PLEKHG1: variants seen among roughly 807,000 people sequenced by gnomAD.
PLEKHG1 encodes the protein pleckstrin homology domain-containing family G member 1.
In PLEKHG1, 44 loss-of-function variants were observed where a neutral mutation model predicts 100.8. The ratio of observed to expected loss-of-function variants is 0.44; its 90% CI spans 0.34 to 0.56. The LOEUF is 0.56. Among genes scored for constraint, PLEKHG1 ranks in the 20% least tolerant of loss-of-function variants. PLEKHG1 has a pLI of 0.01. For synonymous variants in PLEKHG1, 640 were observed against 662.5 expected (o/e 0.97, Z 0.52); for missense variants, 1,545 against 1,720.9 (o/e 0.90, Z 1.81).
At chr6:150,608,790 G>A (rs1394357124) in intron 1 of PLEKHG1, among the ~76,000 whole-genome samples, 3 of 152,190 alleles carry the variant, frequency 2.0e-5, no homozygotes, top group Non-Finnish European at 4.4e-5. Flanking sequence ...TGAAATGCGG[G>A]AATAGTGTAG....
chr6:150,796,007 T>G, intron 5 of PLEKHG1, 105 bp downstream of exon 6: 1 of 732,966 alleles, frequency 1.4e-6, no homozygotes, highest in Non-Finnish European at 2.4e-6. Flanking sequence ...CCTGGCCTTG[T>G]GCTGAATACT....
At chr6:150,740,747 A>T (rs920387368) in intron 2 of PLEKHG1, among the ~76,000 whole-genome samples, 2 of 152,188 alleles carry the variant, frequency 1.3e-5, no homozygotes, top group African/African-American at 4.8e-5. Context: ...GAATGTGTCT[A>T]TTTTTTTCCT....
At chr6:150,650,817 G>A (rs1424251449) in intron 3 of PLEKHG1, 31 bp downstream of exon 2, 5 of 152,160 alleles carry the variant, frequency 3.3e-5, no homozygotes, top group African/African-American at 9.7e-5. Context: ...TGCCCCTTGA[G>A]TATGAAACAT....
chr6:150,604,639 C>T (rs561175286), intron 1 of PLEKHG1, among the ~76,000 whole-genome samples: 7 of 152,328 alleles, frequency 4.6e-5, no homozygotes, highest in African/African-American at 7.2e-5. Context: ...TCATCATAGA[C>T]GGACTTATAA....
intron 3 of PLEKHG1, among the ~76,000 whole-genome samples, chr6:150,693,247 C>T (rs1254539802): frequency 6.6e-6 from 1 of 152,088 alleles, no homozygotes; most frequent in Non-Finnish European, 1.5e-5. Context: ...AAGATCACGC[C>T]ACTGCACTCC....
intron 3 of PLEKHG1, among the ~76,000 whole-genome samples, chr6:150,658,521 A>T (rs1024708145): frequency 6.6e-6 from 1 of 152,112 alleles, no homozygotes; most frequent in Non-Finnish European, 1.5e-5. Context: ...TAGTAACCAG[A>T]CTCTTAGTCA....
In PLEKHG1 at chr6:150,683,942, G is replaced by A; in HGVS notation, c.-99+33156G>A. On this transcript the variant is annotated intron_variant, in intron 3 of 3. Coordinates refer to the PLEKHG1 transcript ENST00000367326. The surrounding 1 kb of genome is among the most constrained non-coding windows in gnomAD (Gnocchi z 4.0). ...AGCCAGGGTGGTGGCAAGGGCAGTG[G>A]CAAGTAGTGGGTTTCATGGAAGGAT... The A allele has an allele frequency of 1.8e-6, 1 of 563,414 alleles. No individual in the cohort carries two copies. The highest frequency in any genetic ancestry group is 2.8e-6 in the Non-Finnish European group (1 of 363,168). 34.9% of individuals were successfully genotyped at this position (563,414 alleles called of 1,614,324 possible).
At position 150,831,264 on chromosome 6, in the gene PLEKHG1, A is replaced by G; in HGVS notation, c.2153A>G (p.Asp718Gly). Residue 718 changes from aspartate (D) to glycine (G), a missense_variant, in exon 15 of 16, where the codon GAT (aspartate) becomes GGT (glycine). Asp to Gly is a moderately conservative substitution (Grantham distance 94). Coordinates refer to ENST00000358517, the Ensembl canonical transcript of PLEKHG1. This position sits in a 1 kb window ranked among gnomAD's most constrained non-coding sequence, Gnocchi z 4.1. ...AAGGGCTCTCTTTACGCACAAACAG[A>G]TGGCACCCTCTCAGGTGGAGAGGCA... The G allele has an allele frequency of 1.9e-6, 3 of 1,614,132 alleles. No homozygotes were observed. Among genetic ancestry groups the G allele is most frequent in the Non-Finnish European group, 2.5e-6 (3 of 1,180,010 alleles).
At chr6:150,791,312 T>G (rs1483821509) in intron 4 of PLEKHG1, among the ~76,000 whole-genome samples, 1 of 152,060 alleles carries the variant, frequency 6.6e-6, no homozygotes, top group African/African-American at 2.4e-5. Flanking sequence ...GATTAAAAAT[T>G]GATTACCAAT....
At chr6:150,612,776 C>T (rs1480513365) in intron 1 of PLEKHG1, among the ~76,000 whole-genome samples, 1 of 152,160 alleles carries the variant, frequency 6.6e-6, no homozygotes, top group African/African-American at 2.4e-5. Flanking sequence ...CCATAGAAAA[C>T]CTCATAGGCT....
intron 3 of PLEKHG1, among the ~76,000 whole-genome samples, chr6:150,770,828 G>A (rs994554533): frequency 1.3e-5 from 2 of 152,200 alleles, no homozygotes; most frequent in African/African-American, 4.8e-5. Context: ...AGGCAAGAGG[G>A]CTAGATCCTG....
chr6:150,807,975 G>A (rs1362397583), intron 7 of PLEKHG1, among the ~76,000 whole-genome samples: 2 of 151,602 alleles, frequency 1.3e-5, no homozygotes, highest in Non-Finnish European at 2.9e-5. Flanking sequence ...TCTCAAAAAA[G>A]AAAAAAGAAA....
intron 5 of PLEKHG1, among the ~76,000 whole-genome samples, chr6:150,798,174 C>G (rs1225760528): frequency 6.6e-6 from 1 of 152,094 alleles, no homozygotes; most frequent in South Asian, 2.1e-4. Flanking sequence ...GCCAGCTTGC[C>G]TCACACCCTA....
chr6:150,790,690 T>C (rs1785920939), intron 4 of PLEKHG1, among the ~76,000 whole-genome samples: 1 of 152,172 alleles, frequency 6.6e-6, no homozygotes, highest in Non-Finnish European at 1.5e-5. Context: ...TCAACTGTAG[T>C]ATATCCACGT....
In PLEKHG1 at chr6:150,690,322, A is replaced by G. The variant is rs142077175; in HGVS notation, c.-99+39536A>G. Among the ~76,000 whole-genome samples, 8 of 151,768 alleles carry G rather than the reference A, an allele frequency of 5.3e-5. No individual in the cohort carries two copies. In the East Asian group the frequency reaches 1.4e-3, roughly 26 times the overall value. On this transcript the variant is annotated intron_variant, in intron 3 of 3. Transcript: ENST00000367326. ...CTGGTGCGCCCATCACCCAAGCAGCATACACTGCACCACATCTTGGCCCCA... is the reference window on the plus strand; with the variant it reads ...CTGGTGCGCCCATCACCCAAGCAGCGTACACTGCACCACATCTTGGCCCCA...
intron 1 of PLEKHG1, among the ~76,000 whole-genome samples, chr6:150,628,857 T>A (rs1777624098): frequency 6.6e-6 from 1 of 152,198 alleles, no homozygotes; most frequent in African/African-American, 2.4e-5. Context: ...TGTAGTGCTG[T>A]CATCCACATG....
intron 3 of PLEKHG1, among the ~76,000 whole-genome samples, chr6:150,651,459 C>G (rs964548193): frequency 6.6e-6 from 1 of 152,050 alleles, no homozygotes. Context: ...GTCATGAACT[C>G]CTGACCTCAA....
At chr6:150,746,695 G>C (rs1274533263) in intron 2 of PLEKHG1, among the ~76,000 whole-genome samples, 3 of 152,180 alleles carry the variant, frequency 2.0e-5, no homozygotes, top group Non-Finnish European at 2.9e-5. Flanking sequence ...ATAAACTATA[G>C]CATTTGCTAT....
intron 3 of PLEKHG1, among the ~76,000 whole-genome samples, chr6:150,693,413 G>T (rs1449790576): frequency 6.6e-6 from 1 of 152,172 alleles, no homozygotes; most frequent in Non-Finnish European, 1.5e-5. Flanking sequence ...GGACTTGGAA[G>T]CTCTTGTGTC....
Sources: gnomAD v4.1 joint callset for allele counts (sites outside exome capture counted in the v4.1 genomes callset) on GRCh38, gnomAD v4.1.1 for gene constraint, Gnocchi (gnomAD v3.1) non-coding constraint, MANE v1.5 for transcripts, NCBI Gene and HGNC (gene_info 2026-07-23, HGNC 2026-07-21) for gene names.